EWSR1: variants seen among roughly 807,000 people sequenced by gnomAD.
EWSR1 encodes the protein RNA-binding protein EWS.
In EWSR1, 14 loss-of-function variants were observed where a neutral mutation model predicts 92.1. The observed-to-expected ratio is 0.15, with a 90% confidence interval of 0.10 to 0.24. The LOEUF is 0.24. Among genes scored for constraint, EWSR1 ranks in the 10% least tolerant of loss-of-function variants. The probability of loss-of-function intolerance (pLI) is 1.00; values close to 1 mark genes in which losing one functional copy is unlikely to be tolerated. For synonymous variants in EWSR1, 303 were observed against 292.9 expected (o/e 1.03, Z -0.35); for missense variants, 637 against 870.9 (o/e 0.73, Z 3.38).
At chr22:29,292,264 A>G in intron 10 of EWSR1, 95 bp downstream of exon 10, 1 of 1,254,686 alleles carries the variant, frequency 8.0e-7, no homozygotes, top group Non-Finnish European at 1.2e-6. Flanking sequence ...CTTATAGACC[A>G]GTGTGATATT....
At position 29,297,904 on chromosome 22, in the gene EWSR1, C is replaced by A. The variant is rs773739451; in HGVS notation, c.1372C>A (p.Leu458Met). The change falls in exon 13 of 17, where the codon CTG becomes ATG. Residue 458 changes from leucine to methionine, a missense_variant. Around this residue, in one of 5 missense-constraint regions of EWSR1, gnomAD observed 363 missense variants for 447.8 expected, o/e 0.81. Coordinates refer to ENST00000397938, the MANE Select transcript of EWSR1 (RefSeq NM_005243.4). Reference sequence around the variant, plus strand: ...TCCAATGAACAGTATGCGGGGTGGTCTGCCACCCCGTGAGGGCAGAGGCAT... The same window carrying A: ...TCCAATGAACAGTATGCGGGGTGGTATGCCACCCCGTGAGGGCAGAGGCAT... ...KPPMNSMRGGLPPREGRGMPP... is the reference protein window; with the variant it reads ...KPPMNSMRGGMPPREGRGMPP... The A allele has an allele frequency of 6.2e-7, 1 of 1,613,854 alleles. No homozygotes were observed. Among genetic ancestry groups the A allele is most frequent in the South Asian group, 1.1e-5 (1 of 91,052 alleles).
intron 3 of EWSR1, 29 bp from the exon 4 acceptor site, chr22:29,273,712 G>T: frequency 1.9e-6 from 3 of 1,599,290 alleles, no homozygotes; most frequent in African/African-American, 2.7e-5. Context: ...CATGTATGAA[G>T]TTCTTGCATT....
chr22:29,297,759 G>A, intron 12 of EWSR1, 68 bp from the exon 13 acceptor site: 1 of 1,590,130 alleles, frequency 6.3e-7, no homozygotes, highest in Non-Finnish European at 8.6e-7. Context: ...GTGGTCATTT[G>A]ATGATGATGT....
Position 29,272,240 on chromosome 22 carries a change from C to T in EWSR1, c.38C>T (p.Ala13Val). ...GATTACAGTACCTATAGCCAAGCTGCAGCGCAGCAGGGGTAAGTCAGTCTT... is the reference window on the plus strand; with the variant it reads ...GATTACAGTACCTATAGCCAAGCTGTAGCGCAGCAGGGGTAAGTCAGTCTT... The part of the protein sequence containing the change: ...STDYSTYSQA[A>V]AQQGYSAYTA... Residue 13 changes from alanine (A) to valine (V), a missense_variant, in exon 2 of 17, where the codon GCA becomes GTA. Ala to Val is a moderately conservative substitution (Grantham distance 64, BLOSUM62 0). This residue lies in a region of EWSR1 where 144 missense variants were observed against 189.0 expected (regional missense o/e 0.76). Transcript: ENST00000397938. 1 of 1,614,118 alleles carries T rather than the reference C, an allele frequency of 6.2e-7. No individual in the cohort carries two copies. Among genetic ancestry groups the T allele is most frequent in the Non-Finnish European group, 8.5e-7 (1 of 1,179,952 alleles).
At chr22:29,296,424 G>C in intron 12 of EWSR1, 56 bp downstream of exon 12, 2 of 1,597,836 alleles carry the variant, frequency 1.3e-6, no homozygotes, top group Non-Finnish European at 1.7e-6. Context: ...ATGGCATGAG[G>C]GAGAAACTTG....
intron 7 of EWSR1, among the ~76,000 whole-genome samples, chr22:29,288,148 T>C (rs1241413401): frequency 2.0e-5 from 3 of 152,228 alleles, no homozygotes; most frequent in Non-Finnish European, 2.9e-5. Context: ...TTTAGGATCA[T>C]TGCTCTTTTT....
intron 7 of EWSR1, 132 bp from the exon 8 acceptor site, chr22:29,288,471 GCTT>G: frequency 1.4e-6 from 1 of 738,866 alleles, no homozygotes; most frequent in South Asian, 2.2e-5. Flanking sequence ...TATTAAGGAT[GCTT>G]TATCGTGATG....
At chr22:29,272,920 G>A (rs2146799280) in intron 3 of EWSR1, among the ~76,000 whole-genome samples, 1 of 152,304 alleles carries the variant, frequency 6.6e-6, no homozygotes. Flanking sequence ...TAGGCCAACA[G>A]ATTCTAGAAA....
At chr22:29,294,111 A>C (rs942752532) in intron 11 of EWSR1, among the ~76,000 whole-genome samples, 5 of 150,714 alleles carry the variant, frequency 3.3e-5, no homozygotes, top group African/African-American at 9.7e-5. Context: ...TGATCCACCC[A>C]CCTAGGCCTC....
chr22:29,271,178 C>A (rs1202958915), intron 1 of EWSR1, among the ~76,000 whole-genome samples: 1 of 151,946 alleles, frequency 6.6e-6, no homozygotes, highest in Non-Finnish European at 1.5e-5. Context: ...TTTTTCCGTC[C>A]TAATGGCAGT....
At chr22:29,292,345 C>G in intron 10 of EWSR1, 143 bp from the exon 11 acceptor site, 2 of 934,916 alleles carry the variant, frequency 2.1e-6, no homozygotes, top group East Asian at 2.4e-5. Flanking sequence ...TGAAGTAAAC[C>G]AAAAGTTTGA....
At chr22:29,277,923 A>G (rs556759317) in intron 4 of EWSR1, 107 bp from the exon 5 acceptor site, 6 of 967,996 alleles carry the variant, frequency 6.2e-6, no homozygotes, top group Admixed American at 2.8e-5. Flanking sequence ...AAGGGATTCA[A>G]TATCCTGATG....
At position 29,292,574 on chromosome 22, in the gene EWSR1, G is replaced by A. The variant is rs1474545266; in HGVS notation, c.1132G>A (p.Ala378Thr). 1.9e-6 allele frequency: 3 copies of A among 1,613,584 alleles called. No homozygotes were observed. Among genetic ancestry groups the A allele is most frequent in the Non-Finnish European group, 2.5e-6 (3 of 1,179,724 alleles). The change falls in exon 11 of 17, where the codon GCA becomes ACA. Residue 378 changes from alanine to threonine, a missense_variant. This residue lies in a region of EWSR1 where 363 missense variants were observed against 447.8 expected (regional missense o/e 0.81). Transcript: ENST00000397938. ...TGACAGTGTGACTCTAGATGATCTG[G>A]CAGACTTCTTTAAGCAGTGTGGGGT... ...LNDSVTLDDLADFFKQCGVVK... is the reference protein window; with the variant it reads ...LNDSVTLDDLTDFFKQCGVVK...
At chr22:29,277,236 C>T in intron 4 of EWSR1, 1 of 226,536 alleles carries the variant, frequency 4.4e-6, no homozygotes, top group Non-Finnish European at 8.8e-6. Flanking sequence ...TCCAATATTG[C>T]TGAGCAGGAA....
chr22:29,290,932 C>G (rs1215683043), intron 8 of EWSR1: 2 of 240,186 alleles, frequency 8.3e-6, no homozygotes, highest in African/African-American at 2.2e-5. Context: ...ACTGATATGT[C>G]TATAAAGTTG....
At chr22:29,281,993 A>C (rs1260824356) in intron 5 of EWSR1, among the ~76,000 whole-genome samples, 2 of 152,232 alleles carry the variant, frequency 1.3e-5, no homozygotes, top group Non-Finnish European at 2.9e-5. Flanking sequence ...ACTTAACATT[A>C]TTGTTAGTTT....
intron 3 of EWSR1, among the ~76,000 whole-genome samples, chr22:29,272,955 A>G (rs1286164253): frequency 6.6e-6 from 1 of 152,194 alleles, no homozygotes; most frequent in Non-Finnish European, 1.5e-5. Flanking sequence ...TTTTCAAGAT[A>G]ATGTTGAATT....
chr22:29,270,905 A>T lies in EWSR1; in HGVS notation c.14-1311A>T, dbSNP rs572887616. ...CAGATTATTTTTTTCATTATAGGTTAGCCTTTGGGCAGTTGATTTGTTCCT... is the reference window on the plus strand; with the variant it reads ...CAGATTATTTTTTTCATTATAGGTTTGCCTTTGGGCAGTTGATTTGTTCCT... On this transcript the variant is annotated intron_variant, in intron 1 of 16. Transcript: ENST00000397938. Among the ~76,000 whole-genome samples the T allele has an allele frequency of 2.3e-4, 35 of 152,346 alleles. No individual in the cohort carries two copies. In the South Asian group the frequency reaches 6.6e-3, roughly 29 times the overall value.
At chr22:29,298,000 A>T (rs3747142) in intron 13 of EWSR1, 51 bp downstream of exon 13, 20 of 1,563,252 alleles carry the variant, frequency 1.3e-5, no homozygotes, top group Non-Finnish European at 1.7e-5. Flanking sequence ...AGTACACTTC[A>T]TACCCTTGAG....
Sources: gnomAD v4.1 joint callset for allele counts (sites outside exome capture counted in the v4.1 genomes callset) on GRCh38, gnomAD v4.1.1 for gene constraint, gnomAD v4.1.1 regional missense constraint, MANE v1.5 for transcripts, NCBI Gene and HGNC (gene_info 2026-07-23, HGNC 2026-07-21) for gene names.